PCDH9: variants seen among roughly 807,000 people sequenced by gnomAD.
The protein encoded by PCDH9 is protocadherin 9.
Under a neutral mutation model 70.6 loss-of-function variants are expected in PCDH9, and 24 were observed. The observed-to-expected ratio is 0.34, with a 90% CI of 0.25 to 0.48. The LOEUF is 0.48. Among genes scored for constraint, PCDH9 ranks in the 20% least tolerant of loss-of-function variants. PCDH9 has a pLI of 0.99. For missense variants in PCDH9, 1,281 were observed against 1,503.6 expected (o/e 0.85, Z 2.45); for synonymous variants, 562 against 558.5 (o/e 1.01, Z -0.09).
chr13:66,939,069 G>A (rs1307325813), intron 2 of PCDH9, among the ~76,000 whole-genome samples: 1 of 151,718 alleles, frequency 6.6e-6, no homozygotes. Context: ...GATTTTGCTT[G>A]TATTTGGGCC....
At chr13:67,171,929 A>G (rs1027492730) in intron 2 of PCDH9, among the ~76,000 whole-genome samples, 3 of 152,226 alleles carry the variant, frequency 2.0e-5, no homozygotes, top group Non-Finnish European at 4.4e-5. Flanking sequence ...TATCTGCCTT[A>G]CATCGCCTGC....
chr13:66,825,576 C>T (rs1013866136), intron 3 of PCDH9, among the ~76,000 whole-genome samples: 1 of 151,730 alleles, frequency 6.6e-6, no homozygotes, highest in Admixed American at 6.6e-5. Context: ...ACCTCGTGAT[C>T]CGCCCGTCTC....
At chr13:66,716,562 G>T (rs1369290342) in intron 3 of PCDH9, among the ~76,000 whole-genome samples, 1 of 152,068 alleles carries the variant, frequency 6.6e-6, no homozygotes, top group African/African-American at 2.4e-5. Context: ...TCTACAACAG[G>T]CAGATGGATT....
chr13:66,885,666 C>T (rs867826388), intron 3 of PCDH9, among the ~76,000 whole-genome samples: 1 of 152,028 alleles, frequency 6.6e-6, no homozygotes, highest in Non-Finnish European at 1.5e-5. Flanking sequence ...TTCTAAGATG[C>T]TTTTAGTTTA....
At chr13:67,007,432 G>C (rs2084374533) in intron 2 of PCDH9, among the ~76,000 whole-genome samples, 1 of 151,722 alleles carries the variant, frequency 6.6e-6, no homozygotes, top group Admixed American at 6.6e-5. Flanking sequence ...GTTTCTGAGG[G>C]GTTTTTAATA....
chr13:67,164,123 A>G (rs573250564), intron 2 of PCDH9, among the ~76,000 whole-genome samples: 1 of 152,344 alleles, frequency 6.6e-6, no homozygotes, highest in East Asian at 1.9e-4. Flanking sequence ...TGCAATCATA[A>G]TGCATCTTCA....
intron 4 of PCDH9, among the ~76,000 whole-genome samples, chr13:66,507,301 T>G (rs530039818): frequency 5.0e-4 from 76 of 152,346 alleles, no homozygotes; most frequent in African/African-American, 1.8e-3. Flanking sequence ...AGGCAAAATG[T>G]ATTTAAGTGA....
intron 3 of PCDH9, among the ~76,000 whole-genome samples, chr13:66,806,995 T>C (rs1056742088): frequency 2.6e-5 from 4 of 152,188 alleles, no homozygotes; most frequent in African/African-American, 9.6e-5. Context: ...GGAATGATCA[T>C]AGCAGGCACT....
chr13:66,575,354 C>T (rs1444094439), intron 4 of PCDH9, among the ~76,000 whole-genome samples: 2 of 152,020 alleles, frequency 1.3e-5, no homozygotes, highest in Non-Finnish European at 2.9e-5. Context: ...CACCATAATC[C>T]ACCCAGTTGC....
At chr13:66,999,620 T>C (rs897638530) in intron 2 of PCDH9, among the ~76,000 whole-genome samples, 8 of 151,008 alleles carry the variant, frequency 5.3e-5, no homozygotes, top group Non-Finnish European at 2.9e-5. Context: ...TACAATGAAC[T>C]CAAACAAATT....
intron 3 of PCDH9, among the ~76,000 whole-genome samples, chr13:66,849,486 G>GTATATATATATATA (rs144181181): frequency 2.2e-5 from 2 of 90,264 alleles, no homozygotes; most frequent in Non-Finnish European, 4.0e-5. Flanking sequence ...TCATAGGTAG[G>GTATATATATATATA]TATATATATA....
At chr13:66,373,215 G>T (rs1039796261) in intron 4 of PCDH9, among the ~76,000 whole-genome samples, 1 of 151,966 alleles carries the variant, frequency 6.6e-6, no homozygotes, top group Non-Finnish European at 1.5e-5. Context: ...CGTTATGCCA[G>T]ATGAAATAAG....
chr13:66,439,123 T>G (rs1957929809), intron 4 of PCDH9, among the ~76,000 whole-genome samples: 1 of 152,216 alleles, frequency 6.6e-6, no homozygotes, highest in South Asian at 2.1e-4. Flanking sequence ...ATTTTAAGTA[T>G]GTAGCTTCCC....
intron 4 of PCDH9, among the ~76,000 whole-genome samples, chr13:66,617,481 T>C (rs1439940437): frequency 6.6e-6 from 1 of 152,200 alleles, no homozygotes; most frequent in Non-Finnish European, 1.5e-5. Flanking sequence ...TGTGTCTCTG[T>C]ACTACAGGAC....
chr13:66,829,219 G>A (rs2080880196), intron 3 of PCDH9, among the ~76,000 whole-genome samples: 1 of 152,096 alleles, frequency 6.6e-6, no homozygotes, highest in Non-Finnish European at 1.5e-5. Flanking sequence ...GTTTTTCCAT[G>A]TTGGTCAGGC....
At chr13:67,204,975 G>C (rs1205232746) in intron 2 of PCDH9, 1 of 151,990 alleles carries the variant, frequency 6.6e-6, no homozygotes, top group Non-Finnish European at 1.5e-5. Context: ...TTTTATGTTT[G>C]GTCTAATTAA....
chr13:66,963,121 T>A (rs2083374995), intron 2 of PCDH9, among the ~76,000 whole-genome samples: 1 of 152,108 alleles, frequency 6.6e-6, no homozygotes, highest in Non-Finnish European at 1.5e-5. Flanking sequence ...CTGCTGCTGA[T>A]CTGATGGGAG....
chr13:67,206,733 G>A (rs1219342614), intron 2 of PCDH9: 1 of 152,194 alleles, frequency 6.6e-6, no homozygotes, highest in Non-Finnish European at 1.5e-5. Flanking sequence ...GAGATGCCTG[G>A]TGGTTGCTTC....
At chr13:67,084,520 G>A (rs186826084) in intron 2 of PCDH9, among the ~76,000 whole-genome samples, 1 of 152,156 alleles carries the variant, frequency 6.6e-6, no homozygotes, top group Non-Finnish European at 1.5e-5. Context: ...ACCCTTACCT[G>A]CAAGCCACTG....
Sources: gnomAD v4.1 joint callset for allele counts (sites outside exome capture counted in the v4.1 genomes callset) on GRCh38, gnomAD v4.1.1 for gene constraint, MANE v1.5 for transcripts, NCBI Gene and HGNC (gene_info 2026-07-23, HGNC 2026-07-21) for gene names.